Variants in NAV3 observed in about 807,000 individuals in gnomAD.
The protein encoded by NAV3 is neuron navigator 3.
In NAV3, 87 loss-of-function variants were observed where a neutral mutation model predicts 244.7. That is an observed-to-expected ratio of 0.36 (90% CI 0.30 to 0.42). NAV3 has a LOEUF of 0.42. NAV3 is among the 20% of genes least tolerant of loss of function. The pLI is 1.00. For synonymous variants in NAV3, 1,126 were observed against 1,042.2 expected, an observed-to-expected ratio of 1.08 and a Z score of -1.55; for missense variants, 2,663 against 2,893.3, an observed-to-expected ratio of 0.92 and a Z score of 1.83.
intron 1 of NAV3, among the ~76,000 whole-genome samples, chr12:77,844,839 G>T (rs77807786): frequency 0.011 from 1,750 of 152,244 alleles, 27 homozygotes; most frequent in African/African-American, 0.04. Context: ...TTCTAGTCAG[G>T]TGGCCTGAAT....
intron 12 of NAV3, among the ~76,000 whole-genome samples, chr12:78,093,562 T>C (rs1284646603): frequency 6.6e-6 from 1 of 152,166 alleles, no homozygotes; most frequent in Non-Finnish European, 1.5e-5. Flanking sequence ...TGTAAAGATT[T>C]GTACAGCAGT....
At chr12:78,048,617 A>C (rs947764848) in intron 9 of NAV3, among the ~76,000 whole-genome samples, 1 of 152,144 alleles carries the variant, frequency 6.6e-6, no homozygotes, top group Non-Finnish European at 1.5e-5. Flanking sequence ...CACTTGCCAG[A>C]TGCCTGCTAG....
At chr12:77,653,255 C>G (rs1362120085) in intron 2 of NAV3, among the ~76,000 whole-genome samples, 1 of 152,164 alleles carries the variant, frequency 6.6e-6, no homozygotes, top group Admixed American at 6.5e-5. Context: ...CCCTGTTCCC[C>G]TTTCTATCAC....
At chr12:78,135,925 G>T (rs1315313511) in intron 18 of NAV3, among the ~76,000 whole-genome samples, 1 of 151,604 alleles carries the variant, frequency 6.6e-6, no homozygotes, top group Non-Finnish European at 1.5e-5. Context: ...GTGATTCTTA[G>T]TCCTATGCTT....
At chr12:78,051,771 T>C (rs974084131) in intron 11 of NAV3, among the ~76,000 whole-genome samples, 3 of 152,214 alleles carry the variant, frequency 2.0e-5, no homozygotes, top group African/African-American at 7.2e-5. Context: ...AATCAGAGAA[T>C]AGGTCCAAAA....
chr12:78,121,740 C>G (rs996727009), intron 15 of NAV3, among the ~76,000 whole-genome samples, 200 bp from the exon 16 acceptor site: 18 of 152,232 alleles, frequency 1.2e-4, no homozygotes, highest in African/African-American at 4.1e-4. Context: ...CAGCTCAGTA[C>G]TGACCTACCC....
At chr12:78,019,303 G>A (rs1289385756) in intron 8 of NAV3, among the ~76,000 whole-genome samples, 3 of 152,004 alleles carry the variant, frequency 2.0e-5, no homozygotes, top group African/African-American at 7.2e-5. Context: ...CAATAATTTT[G>A]TTTTACCGTT....
chr12:77,901,529 G>A (rs111682268), intron 1 of NAV3, among the ~76,000 whole-genome samples: 2,295 of 152,082 alleles, frequency 0.015, 38 homozygotes, highest in Non-Finnish European at 0.024. Context: ...GGCCAACATG[G>A]TGAAACCCCA....
In NAV3 at chr12:77,804,163, T is replaced by C. The variant is rs1438588512; in HGVS notation, c.73-136156T>C. Among the ~76,000 whole-genome samples, 7 of 152,306 alleles carry C rather than the reference T, an allele frequency of 4.6e-5. No individual in the cohort carries two copies. In the South Asian group the frequency reaches 8.3e-4, roughly 18 times the overall value. On this transcript the variant is annotated intron_variant, in intron 2 of 8. Transcript: ENST00000550042. Reference sequence around the variant, plus strand: ...GCAGAAGCACTTTAATTGGGTCCCATTTGTCAATTTTGGCTTTTGTTGCCA... The same window carrying C: ...GCAGAAGCACTTTAATTGGGTCCCACTTGTCAATTTTGGCTTTTGTTGCCA...
At chr12:77,817,361 C>G (rs1401678466) in intron 2 of NAV3, among the ~76,000 whole-genome samples, 2 of 152,174 alleles carry the variant, frequency 1.3e-5, no homozygotes, top group Non-Finnish European at 2.9e-5. Context: ...AAGCCCTGCT[C>G]TTTGCCAGAG....
Position 78,071,122 on chromosome 12 carries a change from T to C in NAV3, c.2636+12007T>C, listed in dbSNP as rs998823687. Among the ~76,000 whole-genome samples, 121 of 152,216 alleles carry C rather than the reference T, an allele frequency of 7.9e-4. 2 individuals are homozygous for C. The highest frequency in any genetic ancestry group is 2.7e-3 in the African/African-American group (111 of 41,526). On this transcript the variant is annotated intron_variant, in intron 12 of 39. Coordinates refer to ENST00000397909, the MANE Select transcript of NAV3 (RefSeq NM_001024383.2). ...TTCCAGTTCTAAATCCCTGAGGAAT[T>C]GCCACACTGACTTCCACAATGGTTG...
chr12:77,800,698 T>C (rs1232031927), intron 2 of NAV3, among the ~76,000 whole-genome samples: 1 of 152,170 alleles, frequency 6.6e-6, no homozygotes, highest in Non-Finnish European at 1.5e-5. Flanking sequence ...GGCCCATATA[T>C]GTAAGCTTAT....
At chr12:77,659,981 G>A in intron 2 of NAV3, among the ~76,000 whole-genome samples, 1 of 131,908 alleles carries the variant, frequency 7.6e-6, no homozygotes, top group Non-Finnish European at 1.6e-5. Context: ...AGGGGGGAGG[G>A]ATAGCACTGG....
intron 22 of NAV3, among the ~76,000 whole-genome samples, chr12:78,151,073 T>A (rs1257990939): frequency 2.0e-5 from 3 of 147,924 alleles, no homozygotes; most frequent in South Asian, 2.1e-4. Flanking sequence ...TAAAAAAAAA[T>A]AAAAATAAGG....
At chr12:77,798,155 G>T (rs944408494) in intron 2 of NAV3, among the ~76,000 whole-genome samples, 5 of 137,096 alleles carry the variant, frequency 3.6e-5, no homozygotes, top group Non-Finnish European at 7.8e-5. Flanking sequence ...GAGTGAGACC[G>T]TGTCTCAAAA....
chr12:77,684,490 T>A (rs1251366865), intron 2 of NAV3, among the ~76,000 whole-genome samples: 1 of 151,944 alleles, frequency 6.6e-6, no homozygotes, highest in African/African-American at 2.4e-5. Context: ...ACCTCCTATC[T>A]TTTTTATTTT....
At position 78,103,588 on chromosome 12, in the gene NAV3, A is replaced by T. The variant is rs75043636; in HGVS notation, c.2637-13184A>T. 7.8e-3 allele frequency among the ~76,000 whole-genome samples: 1,195 copies of T among 152,302 alleles called. 20 individuals are homozygous for T. The highest frequency in any genetic ancestry group is 0.039 in the Admixed American group (602 of 15,294). On this transcript the variant is annotated intron_variant, in intron 12 of 39. Transcript: ENST00000397909. ...TTGTTAGTCCGTTTTCACACTGTTG[A>T]TAAAGACATACCCAAGACTGGAAAG... is the stretch of plus-strand genomic sequence containing the variant.
intron 2 of NAV3, among the ~76,000 whole-genome samples, chr12:77,785,665 A>T (rs1296085365): frequency 2.0e-5 from 3 of 152,314 alleles, no homozygotes; most frequent in East Asian, 3.9e-4. Context: ...GACAAGTATG[A>T]GTAGAAGCAC....
intron 2 of NAV3, among the ~76,000 whole-genome samples, chr12:77,674,104 C>A (rs1243966273): frequency 6.6e-6 from 1 of 152,110 alleles, no homozygotes; most frequent in African/African-American, 2.4e-5. Flanking sequence ...TGCTGTCTTA[C>A]AGAGCCATAA....
Sources: gnomAD v4.1 joint callset for allele counts (sites outside exome capture counted in the v4.1 genomes callset) on GRCh38, gnomAD v4.1.1 for gene constraint, MANE v1.5 for transcripts, NCBI Gene and HGNC (gene_info 2026-07-23, HGNC 2026-07-21) for gene names.